The following PDE12 variants were observed in gnomAD, a reference collection of about 807,000 sequenced individuals.
PDE12 encodes phosphodiesterase 12.
Under a neutral mutation model 45.4 loss-of-function variants are expected in PDE12, and 26 were observed. The ratio of observed to expected loss-of-function variants is 0.57; its 90% CI spans 0.42 to 0.79. The LOEUF (loss-of-function observed/expected upper bound fraction) is 0.79, where lower values mean the gene tolerates loss of function less well. PDE12 is among the 30% of genes least tolerant of loss of function. The pLI, the probability that PDE12 is intolerant of heterozygous loss-of-function variation, is 0.00. For synonymous variants in PDE12, 283 were observed against 323.9 expected (o/e 0.87, Z 1.36); for missense variants, 668 against 790.0 (o/e 0.85, Z 1.85).
At chr3:57,638,544 G>T in the PDE12 span, among the ~76,000 whole-genome samples, 1 of 152,036 alleles carries the variant, frequency 6.6e-6, no homozygotes, top group Non-Finnish European at 1.5e-5. Context: ...TGTAATCTCA[G>T]CGACTCGGGG....
At chr3:57,599,179 CTG>C in the PDE12 span, among the ~76,000 whole-genome samples, 1,019 of 152,188 alleles carry the variant, frequency 6.7e-3, 7 homozygotes, top group Middle Eastern at 0.02. Context: ...CAGGAAGACT[CTG>C]AGTGGGGAGG....
chr3:57,609,692 C>T, the PDE12 span, among the ~76,000 whole-genome samples: 113,495 of 151,914 alleles, frequency 0.75, 44,516 homozygotes, highest in East Asian at 1. Flanking sequence ...AGGAAGAAGT[C>T]GAATCCCTGA....
chr3:57,641,822 CT>C, the PDE12 span: 554 of 1,210,060 alleles, frequency 4.6e-4, 1 homozygote, highest in South Asian at 8.6e-4. Flanking sequence ...GAATAGTTTA[CT>C]TTTTTTTTCA....
At chr3:57,647,711 C>A in the PDE12 span, among the ~76,000 whole-genome samples, 2 of 152,032 alleles carry the variant, frequency 1.3e-5, no homozygotes, top group Non-Finnish European at 2.9e-5. Context: ...AGGGTAAGCA[C>A]ACAAGCAGGG....
the PDE12 span, among the ~76,000 whole-genome samples, chr3:57,586,575 C>T: frequency 3.3e-5 from 5 of 152,268 alleles, 1 homozygote; most frequent in Non-Finnish European, 2.9e-5. Flanking sequence ...ACTTCGTACT[C>T]GGATACAGGT....
the PDE12 span, among the ~76,000 whole-genome samples, chr3:57,613,337 A>G: frequency 4.2e-4 from 61 of 144,404 alleles, no homozygotes; most frequent in African/African-American, 1.4e-3. Flanking sequence ...TCTGTCACCC[A>G]GGCTAGAGTG....
At chr3:57,619,880 TAAAA>T in the PDE12 span, among the ~76,000 whole-genome samples, 3,647 of 150,344 alleles carry the variant, frequency 0.024, 66 homozygotes, top group Non-Finnish European at 0.035. Context: ...AAATAAAAAA[TAAAA>T]AAAAGAACAT....
the PDE12 span, among the ~76,000 whole-genome samples, chr3:57,574,768 C>T: frequency 6.6e-6 from 1 of 152,184 alleles, no homozygotes; most frequent in South Asian, 2.1e-4. Context: ...GGAATCCCAG[C>T]GCTTTGGTAG....
chr3:57,653,968 G>A, the PDE12 span, among the ~76,000 whole-genome samples: 1 of 68,476 alleles, frequency 1.5e-5, no homozygotes, highest in African/African-American at 7.5e-5. Flanking sequence ...TTTTTTTTGA[G>A]ATGGAGTCTC....
the PDE12 span, among the ~76,000 whole-genome samples, chr3:57,602,863 G>A: frequency 1.1e-4 from 17 of 151,950 alleles, no homozygotes; most frequent in Non-Finnish European, 2.1e-4. Flanking sequence ...GAGCCACCAC[G>A]TCCGGCCTAC....
chr3:57,630,828 G>A, the PDE12 span: 3 of 1,612,472 alleles, frequency 1.9e-6, no homozygotes, highest in Non-Finnish European at 2.5e-6. Context: ...GTGGACTCTA[G>A]AAAACAGGAC....
the PDE12 span, among the ~76,000 whole-genome samples, chr3:57,624,455 T>C: frequency 5.3e-5 from 8 of 152,086 alleles, no homozygotes; most frequent in Non-Finnish European, 1.0e-4. Context: ...GCCATCTGAC[T>C]ACTTTTAAAA....
chr3:57,579,203 G>A, the PDE12 span, among the ~76,000 whole-genome samples: 3 of 130,178 alleles, frequency 2.3e-5, no homozygotes, highest in Non-Finnish European at 4.7e-5. Context: ...GCAGTGAGCC[G>A]AGATGGCGCC....
the PDE12 span, chr3:57,630,272 G>T: frequency 1.6e-6 from 1 of 618,820 alleles, no homozygotes; most frequent in Non-Finnish European, 2.6e-6. Flanking sequence ...CCCCTATAAT[G>T]TCCTTGGCAC....
At chr3:57,638,227 G>A in the PDE12 span, among the ~76,000 whole-genome samples, 1 of 151,096 alleles carries the variant, frequency 6.6e-6, no homozygotes, top group Non-Finnish European at 1.5e-5. Flanking sequence ...TATTCACAAA[G>A]CATATATCTA....
At chr3:57,573,930 G>T in the PDE12 span, among the ~76,000 whole-genome samples, 3 of 149,700 alleles carry the variant, frequency 2.0e-5, no homozygotes, top group African/African-American at 7.4e-5. Flanking sequence ...CAGGCAATAG[G>T]TTGTTTTTTT....
the PDE12 span, among the ~76,000 whole-genome samples, chr3:57,591,882 C>G: frequency 6.6e-6 from 1 of 152,058 alleles, no homozygotes; most frequent in East Asian, 1.9e-4. Flanking sequence ...AAACAGAAAA[C>G]AGATTACGGG....
At chr3:57,617,774 G>A in the PDE12 span, among the ~76,000 whole-genome samples, 64 of 151,486 alleles carry the variant, frequency 4.2e-4, 1 homozygote, top group Non-Finnish European at 7.4e-4. Context: ...GGCTGAGGTC[G>A]GGGGACCCCT....
chr3:57,603,789 AT>A, the PDE12 span, among the ~76,000 whole-genome samples: 2 of 151,806 alleles, frequency 1.3e-5, no homozygotes, highest in Non-Finnish European at 2.9e-5. Context: ...TACCCAGCTA[AT>A]TTTGTATTTT....
Sources: allele counts gnomAD v4.1 joint callset (sites outside exome capture counted in the v4.1 genomes callset), GRCh38; gene constraint gnomAD v4.1.1; transcripts MANE v1.5; gene names NCBI Gene and HGNC (gene_info 2026-07-23, HGNC 2026-07-21).